Variants in RTN1 observed in about 807,000 individuals in gnomAD.
RTN1 encodes the protein reticulon-1.
RTN1 carries 25 observed loss-of-function variants against 65.5 expected under a neutral mutation model. The observed-to-expected ratio is 0.38, with a 90% CI of 0.28 to 0.53. The LOEUF is 0.53. RTN1 is among the 20% of genes least tolerant of loss of function. The pLI is 0.79. For missense variants in RTN1, 983 were observed against 1,025.4 expected (o/e 0.96, Z 0.57); for synonymous variants, 471 against 447.6 (o/e 1.05, Z -0.66).
Position 59,728,565 on chromosome 14 carries a change from C to A in RTN1, c.1016-897G>T, listed in dbSNP as rs189794019. Among the ~76,000 whole-genome samples the A allele has an allele frequency of 2.6e-5, 4 of 152,202 alleles. No individual in the cohort carries two copies. In the East Asian group the frequency reaches 7.7e-4, roughly 29 times the overall value. On this transcript the variant is annotated intron_variant, in intron 2 of 8. Coordinates refer to ENST00000267484, the MANE Select transcript of RTN1 (RefSeq NM_021136.3). ...CATAGATGAGACGACCTGGGATCAC[C>A]ATGACAACAGTGTTCAAGAGTCTCG...
intron 1 of RTN1, among the ~76,000 whole-genome samples, chr14:59,820,356 G>GTTTTTTTTTTT (rs34274539): frequency 2.0e-4 from 16 of 79,328 alleles, no homozygotes; most frequent in African/African-American, 4.2e-4. Flanking sequence ...CTTATTGATA[G>GTTTTTTTTTTT]TTTTTTTTTT....
Position 59,794,643 on chromosome 14 carries a change from C to T in RTN1, c.242-48162G>A, listed in dbSNP as rs1886408207. Reference sequence around the variant, plus strand: ...TTCCATCTTGTTGCCCTGTCACACCCAGGATGTGTTGTCATCTGTATGGTT... The same window carrying T: ...TTCCATCTTGTTGCCCTGTCACACCTAGGATGTGTTGTCATCTGTATGGTT... On this transcript the variant is annotated intron_variant, in intron 1 of 8. Coordinates refer to ENST00000267484, the MANE Select transcript of RTN1 (RefSeq NM_021136.3). This position sits in a 1 kb window ranked among gnomAD's most constrained non-coding sequence, Gnocchi z 5.1. Among the ~76,000 whole-genome samples the T allele has an allele frequency of 6.6e-6, 1 of 152,176 alleles. No individual in the cohort carries two copies. The highest frequency in any genetic ancestry group is 2.4e-5 in the African/African-American group (1 of 41,436).
chr14:59,857,908 C>T (rs1194835396), intron 1 of RTN1, among the ~76,000 whole-genome samples: 1 of 152,182 alleles, frequency 6.6e-6, no homozygotes, highest in Non-Finnish European at 1.5e-5. Flanking sequence ...TGCTCACTTC[C>T]TTGTCATCAT....
chr14:59,668,678 C>G (rs75737626), intron 3 of RTN1, among the ~76,000 whole-genome samples: 61,446 of 151,916 alleles, frequency 0.4, 13,015 homozygotes, highest in African/African-American at 0.51. Context: ...CCTACAGAAT[C>G]GGAGAAAATT....
chr14:59,769,777 A>G (rs1479827990), intron 1 of RTN1, among the ~76,000 whole-genome samples: 1 of 152,212 alleles, frequency 6.6e-6, no homozygotes, highest in African/African-American at 2.4e-5. Flanking sequence ...TTTACAGTAC[A>G]TTGTCGACAG....
intron 1 of RTN1, among the ~76,000 whole-genome samples, chr14:59,778,912 T>C (rs1308011993): frequency 6.6e-6 from 1 of 152,076 alleles, no homozygotes; most frequent in Non-Finnish European, 1.5e-5. Context: ...ATCTGCAATA[T>C]AAGAACTTCG....
chr14:59,692,697 C>T, intron 3 of RTN1, among the ~76,000 whole-genome samples: 1 of 152,134 alleles, frequency 6.6e-6, no homozygotes, highest in East Asian at 1.9e-4. Context: ...CAGCATGGTA[C>T]TGGCACAAAA....
chr14:59,869,329 G>T (rs1002234501), intron 1 of RTN1, among the ~76,000 whole-genome samples: 1 of 150,586 alleles, frequency 6.6e-6, no homozygotes, highest in Non-Finnish European at 1.5e-5. Flanking sequence ...AGGCCTTCTA[G>T]CTCTACATTG....
At chr14:59,861,840 T>C (rs914659836) in intron 1 of RTN1, among the ~76,000 whole-genome samples, 19 of 152,318 alleles carry the variant, frequency 1.2e-4, no homozygotes, top group Admixed American at 9.8e-4. Context: ...TAACTATCTC[T>C]CAAATGGCAT....
intron 1 of RTN1, among the ~76,000 whole-genome samples, chr14:59,856,767 C>A (rs1887616242): frequency 6.6e-6 from 1 of 152,172 alleles, no homozygotes; most frequent in African/African-American, 2.4e-5. Context: ...GGTTGAGGTT[C>A]ATTCTCAATC....
At chr14:59,828,938 A>ATC (rs1181750156) in intron 1 of RTN1, among the ~76,000 whole-genome samples, 1 of 152,092 alleles carries the variant, frequency 6.6e-6, no homozygotes, top group Non-Finnish European at 1.5e-5. Context: ...GCCTAATGGA[A>ATC]TCTCTCTCTC....
chr14:59,749,370 C>CTATA (rs1255342281), intron 1 of RTN1, among the ~76,000 whole-genome samples: 5 of 30,336 alleles, frequency 1.6e-4, no homozygotes, highest in African/African-American at 1.1e-3. Context: ...ATATATATAT[C>CTATA]TATATATCTA....
rs566608785 is a variant in RTN1, at chr14:59,868,192, T to C, written c.241+2198A>G. 2.6e-3 allele frequency among the ~76,000 whole-genome samples: 397 copies of C among 152,310 alleles called. 2 individuals are homozygous for C. Among genetic ancestry groups the C allele is most frequent in the African/African-American group, 8.9e-3 (368 of 41,564 alleles). On this transcript the variant is annotated intron_variant, in intron 1 of 8. Transcript: ENST00000267484. The surrounding 1 kb of genome is among the most constrained non-coding windows in gnomAD (Gnocchi z 4.0). ...GCATTTCTGGCGTTTGAGTCTCTTA[T>C]AGCAGCACATCCGGTCTACTTAATA... is the stretch of plus-strand genomic sequence containing the variant.
intron 2 of RTN1, among the ~76,000 whole-genome samples, chr14:59,733,952 G>A (rs1178789238): frequency 6.6e-6 from 1 of 152,182 alleles, no homozygotes; most frequent in Non-Finnish European, 1.5e-5. Context: ...CCCAACCAGG[G>A]TCTCCAGCCA....
At chr14:59,686,866 T>G (rs796537239) in intron 3 of RTN1, among the ~76,000 whole-genome samples, 15 of 152,322 alleles carry the variant, frequency 9.8e-5, no homozygotes, top group African/African-American at 2.9e-4. Flanking sequence ...CAGGACACCA[T>G]TTTTAATCCA....
intron 1 of RTN1, among the ~76,000 whole-genome samples, chr14:59,867,184 T>C (rs1887813904): frequency 6.6e-6 from 1 of 152,220 alleles, no homozygotes; most frequent in Non-Finnish European, 1.5e-5. Flanking sequence ...CTATTTAAAA[T>C]TCTTTCTTTA....
chr14:59,607,644 G>T, intron 3 of RTN1, 152 bp from the exon 4 acceptor site: 1 of 651,774 alleles, frequency 1.5e-6, no homozygotes, highest in Non-Finnish European at 2.7e-6. Flanking sequence ...CTGTGCCAAG[G>T]GCACTTACTG....
chr14:59,777,689 G>A (rs1886077572), intron 1 of RTN1, among the ~76,000 whole-genome samples: 1 of 152,068 alleles, frequency 6.6e-6, no homozygotes, highest in African/African-American at 2.4e-5. Context: ...TGGGGAAAGT[G>A]TGGATGTTTC....
At chr14:59,748,862 T>G (rs1448292283) in intron 1 of RTN1, among the ~76,000 whole-genome samples, 1 of 151,924 alleles carries the variant, frequency 6.6e-6, no homozygotes, top group Non-Finnish European at 1.5e-5. Context: ...CGATCTTGGC[T>G]CACAGCAACC....
Sources: gnomAD v4.1 joint callset for allele counts (sites outside exome capture counted in the v4.1 genomes callset) on GRCh38, gnomAD v4.1.1 for gene constraint, Gnocchi (gnomAD v3.1) non-coding constraint, MANE v1.5 for transcripts, NCBI Gene and HGNC (gene_info 2026-07-23, HGNC 2026-07-21) for gene names.